The following MRPS6 variants were observed in gnomAD, a reference collection of about 807,000 sequenced individuals.
MRPS6 encodes the protein mitochondrial ribosomal protein S6.
A neutral mutation model predicts 13.1 loss-of-function variants in MRPS6; 6 were observed. The ratio of observed to expected loss-of-function variants is 0.46; its 90% CI spans 0.25 to 0.91. The LOEUF is 0.91. Among genes scored for constraint, MRPS6 ranks in the 40% least tolerant of loss-of-function variants. The pLI, the probability that MRPS6 is intolerant of heterozygous loss-of-function variation, is 0.18. For missense variants in MRPS6, 164 were observed against 155.6 expected (o/e 1.05, Z -0.29); for synonymous variants, 61 against 56.5 (o/e 1.08, Z -0.36).
intron 1 of MRPS6, among the ~76,000 whole-genome samples, chr21:34,077,589 A>C: frequency 6.6e-6 from 1 of 152,320 alleles, no homozygotes; most frequent in East Asian, 1.9e-4. Flanking sequence ...ATATATCTTC[A>C]TATGTTTTTC....
chr21:34,125,263 A>G lies in MRPS6; in HGVS notation c.46-78A>G, dbSNP rs899785143. 4.5e-5 allele frequency: 70 copies of G among 1,560,018 alleles called. No individual in the cohort carries two copies. The East Asian group carries it at 1.5e-3, about 34-fold the overall frequency. ...AGTAGAGCTGTTATGATTGGAACTG[A>G]GCAGACTTAATCATTCTAGCTCTTA... On this transcript the variant is annotated intron_variant, in intron 1 of 2. Coordinates refer to ENST00000399312, the MANE Select transcript of MRPS6 (RefSeq NM_032476.4).
intron 1 of MRPS6, among the ~76,000 whole-genome samples, chr21:34,094,288 G>GT (rs1309612630): frequency 2.0e-5 from 3 of 152,114 alleles, no homozygotes; most frequent in Non-Finnish European, 4.4e-5. Context: ...ATTTACTGGA[G>GT]TTTAAGAAGC....
intron 2 of MRPS6, among the ~76,000 whole-genome samples, chr21:34,140,260 A>T (rs930209115): frequency 1.3e-5 from 2 of 151,702 alleles, no homozygotes; most frequent in African/African-American, 4.8e-5. Context: ...AGTAGATATG[A>T]ATTTCCTGAC....
chr21:34,108,694 G>A (rs770540071), intron 1 of MRPS6, among the ~76,000 whole-genome samples: 3 of 152,206 alleles, frequency 2.0e-5, no homozygotes, highest in Non-Finnish European at 4.4e-5. Context: ...CATGGATAGA[G>A]TCTTTATTCT....
At chr21:34,131,824 A>G (rs1439217850) in intron 2 of MRPS6, among the ~76,000 whole-genome samples, 1 of 152,150 alleles carries the variant, frequency 6.6e-6, no homozygotes, top group African/African-American at 2.4e-5. Context: ...CTCCCACAGG[A>G]CTGCGGTGGA....
intron 1 of MRPS6, among the ~76,000 whole-genome samples, chr21:34,084,215 C>G (rs1050879290): frequency 1.3e-5 from 2 of 152,094 alleles, no homozygotes; most frequent in Admixed American, 1.3e-4. Context: ...AGAGGAAATA[C>G]CCTAATTTCT....
At chr21:34,080,098 A>G (rs987530502) in intron 1 of MRPS6, among the ~76,000 whole-genome samples, 4 of 152,100 alleles carry the variant, frequency 2.6e-5, no homozygotes, top group Admixed American at 2.0e-4. Flanking sequence ...CTGACATACT[A>G]CTGAGGGGAG....
chr21:34,092,998 C>G (rs1449641452), intron 1 of MRPS6, among the ~76,000 whole-genome samples: 1 of 152,160 alleles, frequency 6.6e-6, no homozygotes. Context: ...ATTGACACAG[C>G]AGTTTTCATT....
In MRPS6 at chr21:34,094,818, C is replaced by CT. The variant is rs999064306; in HGVS notation, c.45+21073_45+21074insT. On this transcript the variant is annotated intron_variant, in intron 1 of 2. Transcript: ENST00000399312. ...AAAGTTTCCTCATCACGTGGCGAGA[C>CT]CTCCTCTACTTCAATCTTTGTCTTT... 7 of 20,782 alleles carry CT rather than the reference C, an allele frequency of 3.4e-4. No individual in the cohort carries two copies. The East Asian group carries it at 6.7e-3, about 20-fold the overall frequency. The allele number at this position is 20,782 out of a possible 1,614,324, so 1.3% of individuals were successfully genotyped here.
chr21:34,115,794 A>AAT (rs1979875117), intron 1 of MRPS6, among the ~76,000 whole-genome samples: 1 of 152,130 alleles, frequency 6.6e-6, no homozygotes, highest in South Asian at 2.1e-4. Context: ...AACACGTTTT[A>AAT]ATTGCTCATC....
chr21:34,097,799 C>T, intron 1 of MRPS6: 2 of 1,000,088 alleles, frequency 2.0e-6, no homozygotes, highest in Non-Finnish European at 2.4e-6. Context: ...ATTTCTTAGA[C>T]ATTGTACAAT....
At chr21:34,101,095 C>T (rs1979216762) in intron 1 of MRPS6, 4 of 999,880 alleles carry the variant, frequency 4.0e-6, no homozygotes, top group South Asian at 4.7e-5. Context: ...TACGTGACTA[C>T]AGAGACTTGC....
rs537575782 is a variant in MRPS6, at chr21:34,101,991, T to A, written c.46-23350T>A. On this transcript the variant is annotated intron_variant, in intron 1 of 2. Coordinates refer to ENST00000399312, the MANE Select transcript of MRPS6 (RefSeq NM_032476.4). ...TTTTTTTGCAGTAAAAGTAAAAATT[T>A]GGAATTAGTTGGCATATAGAGGAAC... The A allele has an allele frequency of 3.0e-6, 3 of 1,000,162 alleles. No individual in the cohort carries two copies. In the South Asian group the frequency reaches 1.4e-4, roughly 47 times the overall value. 62.0% of individuals were successfully genotyped at this position (1,000,162 alleles called of 1,614,324 possible). A position where few individuals can be genotyped will look rare whatever the true frequency, so the allele number is the denominator to read the frequency against.
intron 1 of MRPS6, among the ~76,000 whole-genome samples, chr21:34,113,933 T>C (rs577009077): frequency 1.2e-4 from 19 of 152,310 alleles, no homozygotes; most frequent in Non-Finnish European, 2.5e-4. Flanking sequence ...GGTTGAAATA[T>C]AAGGCGAAGG....
chr21:34,125,047 A>G (rs1195616537), intron 1 of MRPS6: 1 of 272,428 alleles, frequency 3.7e-6, no homozygotes, highest in Admixed American at 5.0e-5. Flanking sequence ...GGTGCTCTGA[A>G]GAAGCCACTC....
At chr21:34,098,682 T>C (rs1056847396) in intron 1 of MRPS6, 48 of 1,000,204 alleles carry the variant, frequency 4.8e-5, no homozygotes, top group Non-Finnish European at 5.5e-5. Flanking sequence ...GTAGTGTGTC[T>C]TGTGGAGGGT....
chr21:34,120,269 C>T (rs1980073476), intron 1 of MRPS6, among the ~76,000 whole-genome samples: 1 of 152,124 alleles, frequency 6.6e-6, no homozygotes, highest in Non-Finnish European at 1.5e-5. Context: ...AGATATTAAT[C>T]CAACAGCCAT....
intron 1 of MRPS6, among the ~76,000 whole-genome samples, chr21:34,074,648 A>T (rs1485366821): frequency 6.6e-6 from 1 of 152,198 alleles, no homozygotes; most frequent in Non-Finnish European, 1.5e-5. Flanking sequence ...TGAATTCGGA[A>T]TTCGGTAACG....
In MRPS6 at chr21:34,095,086, G is replaced by A. The variant is rs568295881; in HGVS notation, c.45+21341G>A. On this transcript the variant is annotated intron_variant, in intron 1 of 2. Transcript: ENST00000399312. The stretch of plus-strand genomic sequence containing the variant: ...ACAAAGACTTTGACCCTGCTGTGTT[G>A]CTCTGTGTAGTCCAGTTCACGTATG... 7 of 1,387,474 alleles carry A rather than the reference G, an allele frequency of 5.0e-6. No homozygotes were observed. The African/African-American group carries it at 1.0e-4, about 20-fold the overall frequency. The allele number at this position is 1,387,474 out of a possible 1,614,324, so 85.9% of individuals were successfully genotyped here.
Sources: gnomAD v4.1 joint callset for allele counts (sites outside exome capture counted in the v4.1 genomes callset) on GRCh38, gnomAD v4.1.1 for gene constraint, MANE v1.5 for transcripts, NCBI Gene and HGNC (gene_info 2026-07-23, HGNC 2026-07-21) for gene names.